IMMP2L: variants seen among roughly 807,000 people sequenced by gnomAD.
IMMP2L encodes the protein inner mitochondrial membrane peptidase subunit 2, also known as mitochondrial inner membrane protease subunit 2.
A neutral mutation model predicts 19.3 loss-of-function variants in IMMP2L; 18 were observed. The observed-to-expected ratio is 0.93, with a 90% CI of 0.64 to 1.38. The LOEUF is 1.38. Among genes scored for constraint, IMMP2L ranks in the 40% most tolerant of loss-of-function variants. The pLI, the probability that IMMP2L is intolerant of heterozygous loss-of-function variation, is 0.00. For synonymous variants in IMMP2L, 76 were observed against 73.0 expected (o/e 1.04, Z -0.21); for missense variants, 233 against 218.2 (o/e 1.07, Z -0.43).
intron 5 of IMMP2L, among the ~76,000 whole-genome samples, chr7:110,794,865 AAAT>A (rs1193716703): frequency 1.3e-5 from 2 of 152,136 alleles, no homozygotes; most frequent in Admixed American, 6.6e-5. Context: ...ATTAATTAAT[AAAT>A]AATGACTAGA....
chr7:110,940,653 C>T (rs1816645923), intron 4 of IMMP2L, among the ~76,000 whole-genome samples: 1 of 152,128 alleles, frequency 6.6e-6, no homozygotes, highest in South Asian at 2.1e-4. Context: ...AACGTGAGTG[C>T]GAATGAACTG....
intron 3 of IMMP2L, among the ~76,000 whole-genome samples, chr7:111,447,352 G>A (rs1255170196): frequency 1.1e-4 from 16 of 143,270 alleles, no homozygotes; most frequent in African/African-American, 2.7e-4. Flanking sequence ...GACTAACAGC[G>A]GATCTCTCGA....
intron 3 of IMMP2L, among the ~76,000 whole-genome samples, chr7:111,452,274 C>T (rs1839274989): frequency 6.6e-6 from 1 of 152,088 alleles, no homozygotes; most frequent in Admixed American, 6.6e-5. Context: ...AAGCCAGAAG[C>T]TAACTATTAT....
At chr7:111,471,109 T>G (rs1841224764) in intron 3 of IMMP2L, among the ~76,000 whole-genome samples, 1 of 151,956 alleles carries the variant, frequency 6.6e-6, no homozygotes, top group South Asian at 2.1e-4. Flanking sequence ...TCCAAAGAGT[T>G]TTTGTAGAAT....
At chr7:111,467,942 A>C (rs759034245) in intron 3 of IMMP2L, among the ~76,000 whole-genome samples, 17 of 152,178 alleles carry the variant, frequency 1.1e-4, no homozygotes, top group Admixed American at 3.9e-4. Context: ...TAATAACAGG[A>C]TTTGGCTAAG....
intron 5 of IMMP2L, among the ~76,000 whole-genome samples, chr7:110,723,472 C>T (rs1795699680): frequency 6.6e-6 from 1 of 152,160 alleles, no homozygotes; most frequent in Non-Finnish European, 1.5e-5. Flanking sequence ...ATATAATTTT[C>T]TCCTACTAAA....
intron 5 of IMMP2L, among the ~76,000 whole-genome samples, chr7:110,811,094 T>C (rs868481027): frequency 6.6e-6 from 1 of 152,046 alleles, no homozygotes; most frequent in Non-Finnish European, 1.5e-5. Context: ...AGACCCTATG[T>C]ACTTGGATAT....
intron 5 of IMMP2L, among the ~76,000 whole-genome samples, chr7:110,793,662 A>G (rs1800633813): frequency 6.6e-6 from 1 of 152,126 alleles, no homozygotes; most frequent in Non-Finnish European, 1.5e-5. Context: ...TAGAGATGTA[A>G]TGTATAGCAT....
rs369323040 is a variant in IMMP2L at position 111,546,523 on chromosome 7, G to A, written c.-3+15328C>T. On this transcript the variant is annotated intron_variant, in intron 1 of 5. Coordinates refer to ENST00000405709, the MANE Select transcript of IMMP2L (RefSeq NM_032549.4). ...TCTTTATATATTTATGAAATCAGCT[G>A]TCTTCCTATGATATGAATTGCAAAC... Among the ~76,000 whole-genome samples the A allele has an allele frequency of 1.2e-4, 18 of 152,162 alleles. No individual in the cohort carries two copies. In the East Asian group the frequency reaches 2.9e-3, roughly 24 times the overall value.
intron 5 of IMMP2L, among the ~76,000 whole-genome samples, chr7:110,855,244 T>C (rs995072151): frequency 6.6e-6 from 1 of 151,974 alleles, no homozygotes; most frequent in Non-Finnish European, 1.5e-5. Flanking sequence ...TAATGGATAA[T>C]CAAAGTTATA....
At chr7:110,669,394 A>G (rs757303281) in intron 5 of IMMP2L, among the ~76,000 whole-genome samples, 1 of 152,180 alleles carries the variant, frequency 6.6e-6, no homozygotes, top group Non-Finnish European at 1.5e-5. Flanking sequence ...AGGCTTACCC[A>G]CATTACAGAC....
intron 3 of IMMP2L, among the ~76,000 whole-genome samples, chr7:111,132,110 T>A (rs551966042): frequency 6.6e-6 from 1 of 152,134 alleles, no homozygotes; most frequent in African/African-American, 2.4e-5. Context: ...AAAGAGTCTT[T>A]ATTTGTCAAA....
chr7:111,174,835 G>A (rs1159489843), intron 3 of IMMP2L, among the ~76,000 whole-genome samples: 1 of 151,756 alleles, frequency 6.6e-6, no homozygotes, highest in Non-Finnish European at 1.5e-5. Context: ...CAAGGCAGAA[G>A]AGATATACAT....
At chr7:111,055,247 C>G (rs147682137) in intron 3 of IMMP2L, among the ~76,000 whole-genome samples, 2 of 152,192 alleles carry the variant, frequency 1.3e-5, no homozygotes, top group African/African-American at 4.8e-5. Flanking sequence ...CAACGTTCAC[C>G]AGGCTGGTCT....
chr7:110,912,114 C>T (rs1585236750), intron 4 of IMMP2L, among the ~76,000 whole-genome samples: 1 of 151,808 alleles, frequency 6.6e-6, no homozygotes, highest in South Asian at 2.1e-4. Context: ...ACAAACAAAC[C>T]TAAGACAAAA....
intron 3 of IMMP2L, among the ~76,000 whole-genome samples, chr7:111,367,993 A>C (rs1829936169): frequency 1.3e-5 from 2 of 151,894 alleles, no homozygotes; most frequent in Admixed American, 1.3e-4. Context: ...CATTAAAAAA[A>C]GGAAAAGGTA....
chr7:111,200,525 T>C (rs1376360275), intron 3 of IMMP2L, among the ~76,000 whole-genome samples: 1 of 152,164 alleles, frequency 6.6e-6, no homozygotes, highest in African/African-American at 2.4e-5. Context: ...TGGTATATAC[T>C]GGGTTCTATT....
chr7:111,425,337 A>G (rs1476222767), intron 3 of IMMP2L, among the ~76,000 whole-genome samples: 1 of 151,354 alleles, frequency 6.6e-6, no homozygotes, highest in Admixed American at 6.6e-5. Flanking sequence ...TTAGGGTTAC[A>G]CAACATAGGC....
chr7:110,976,747 T>G (rs573568986), intron 3 of IMMP2L, among the ~76,000 whole-genome samples: 1 of 151,978 alleles, frequency 6.6e-6, no homozygotes, highest in Non-Finnish European at 1.5e-5. Context: ...CCACCTTTGA[T>G]AGGCACAGTT....
Sources: gnomAD v4.1 joint callset for allele counts (sites outside exome capture counted in the v4.1 genomes callset) on GRCh38, gnomAD v4.1.1 for gene constraint, MANE v1.5 for transcripts, NCBI Gene and HGNC (gene_info 2026-07-23, HGNC 2026-07-21) for gene names.